Variants in CLVS1 observed in about 807,000 individuals in gnomAD.
The protein encoded by CLVS1 is clavesin-1.
Under a neutral mutation model 33.1 loss-of-function variants are expected in CLVS1, and 10 were observed. The ratio of observed to expected loss-of-function variants is 0.30; its 90% CI spans 0.19 to 0.51. The LOEUF (loss-of-function observed/expected upper bound fraction) is 0.51, where lower values mean the gene tolerates loss of function less well. Ranked by LOEUF, CLVS1 falls within the 20% of genes least tolerant of loss-of-function variation. CLVS1 has a pLI of 0.97. For missense variants in CLVS1, 343 were observed against 433.4 expected, an observed-to-expected ratio of 0.79 and a Z score of 1.85; for synonymous variants, 163 against 166.1, an observed-to-expected ratio of 0.98 and a Z score of 0.14.
At chr8:61,223,044 A>G (rs1451770212) in intron 2 of CLVS1, among the ~76,000 whole-genome samples, 1 of 150,160 alleles carries the variant, frequency 6.7e-6, no homozygotes, top group Non-Finnish European at 1.5e-5. Flanking sequence ...GTTTTCCTCA[A>G]TTCCTTTAAT....
At chr8:61,335,883 C>G (rs961648391) in intron 2 of CLVS1, among the ~76,000 whole-genome samples, 3 of 152,098 alleles carry the variant, frequency 2.0e-5, no homozygotes, top group Non-Finnish European at 4.4e-5. Flanking sequence ...GGCCTGAGTT[C>G]CTTGCTGGAG....
At chr8:61,182,521 G>T (rs1211395359) in intron 2 of CLVS1, among the ~76,000 whole-genome samples, 3 of 152,106 alleles carry the variant, frequency 2.0e-5, no homozygotes, top group Non-Finnish European at 4.4e-5. Context: ...AGTGGGCAAA[G>T]AATATGAACA....
At chr8:61,465,410 C>T (rs1364276495) in intron 5 of CLVS1, 3 of 152,156 alleles carry the variant, frequency 2.0e-5, no homozygotes, top group African/African-American at 7.2e-5. Context: ...ACTCCCGGAA[C>T]TCTCAGTGAA....
intron 1 of CLVS1, among the ~76,000 whole-genome samples, chr8:61,061,314 G>A (rs765872813): frequency 2.0e-5 from 3 of 152,068 alleles, no homozygotes; most frequent in South Asian, 2.1e-4. Flanking sequence ...AAGGAAAGAG[G>A]CTCTTTCTTT....
chr8:61,088,445 G>A (rs1260639833), intron 1 of CLVS1, among the ~76,000 whole-genome samples: 9 of 139,722 alleles, frequency 6.4e-5, no homozygotes, highest in South Asian at 2.3e-4. Context: ...AGCTGAGATC[G>A]TGCCACTGCA....
At chr8:61,219,373 C>A (rs1808162191) in intron 2 of CLVS1, among the ~76,000 whole-genome samples, 1 of 152,086 alleles carries the variant, frequency 6.6e-6, no homozygotes, top group South Asian at 2.1e-4. Flanking sequence ...TGTTCAACTC[C>A]CACTTATGAG....
chr8:61,262,265 C>G (rs1427047498), intron 2 of CLVS1, among the ~76,000 whole-genome samples: 1 of 152,100 alleles, frequency 6.6e-6, no homozygotes, highest in Non-Finnish European at 1.5e-5. Flanking sequence ...ATCCTCCTGC[C>G]TCAACCTCTG....
intron 2 of CLVS1, among the ~76,000 whole-genome samples, chr8:61,224,667 G>A (rs778058503): frequency 8.5e-5 from 13 of 152,150 alleles, no homozygotes; most frequent in Non-Finnish European, 1.5e-4. Context: ...TAGGGAGCAG[G>A]ACCCATTTAA....
chr8:61,372,658 A>G (rs1045983527), intron 2 of CLVS1, among the ~76,000 whole-genome samples: 3 of 151,738 alleles, frequency 2.0e-5, no homozygotes, highest in Non-Finnish European at 2.9e-5. Context: ...AAGATCCTAC[A>G]TTACCTTTAG....
chr8:61,171,823 G>T (rs770455489), intron 2 of CLVS1, among the ~76,000 whole-genome samples: 1 of 152,160 alleles, frequency 6.6e-6, no homozygotes, highest in East Asian at 1.9e-4. Flanking sequence ...GAACGATATG[G>T]ACGAGAAATA....
chr8:61,038,894 CT>C, the CLVS1 span, among the ~76,000 whole-genome samples: 1 of 152,218 alleles, frequency 6.6e-6, no homozygotes, highest in South Asian at 2.1e-4. Flanking sequence ...ACCTATTTCA[CT>C]GAAAACTTAA....
chr8:61,236,477 A>G (rs558466107), intron 2 of CLVS1, among the ~76,000 whole-genome samples: 10 of 152,292 alleles, frequency 6.6e-5, no homozygotes, highest in African/African-American at 2.4e-4. Context: ...GACATTTCTG[A>G]GACAGTCTGT....
At chr8:61,038,805 G>A in the CLVS1 span, among the ~76,000 whole-genome samples, 9 of 152,132 alleles carry the variant, frequency 5.9e-5, no homozygotes, top group South Asian at 2.1e-4. Context: ...CATGTGAACC[G>A]AAGGTCCTTT....
chr8:61,479,445 A>C (rs1417028740), intron 5 of CLVS1, among the ~76,000 whole-genome samples: 2 of 151,960 alleles, frequency 1.3e-5, no homozygotes, highest in Non-Finnish European at 2.9e-5. Context: ...AGGTCCTTTA[A>C]GGACTTCTCT....
chr8:61,020,246 A>G, the CLVS1 span, among the ~76,000 whole-genome samples: 1 of 152,232 alleles, frequency 6.6e-6, no homozygotes, highest in Non-Finnish European at 1.5e-5. Flanking sequence ...GGATTATTGA[A>G]TAGGCTTTTG....
At position 61,311,782 on chromosome 8, in the gene CLVS1, A is replaced by G. The variant is rs6985494; in HGVS notation, c.455+11500A>G. On this transcript the variant is annotated intron_variant, in intron 2 of 5. Coordinates refer to ENST00000325897, the MANE Select transcript of CLVS1 (RefSeq NM_173519.3). ...AGTCTCCTCTGATGGCTAGAAGTCC[A>G]AGGGCCTAAGAATAACTTCTTCCTT... Among the ~76,000 whole-genome samples the G allele has an allele frequency of 6.4e-3, 982 of 152,326 alleles. 9 individuals are homozygous for G. The highest frequency in any genetic ancestry group is 0.022 in the African/African-American group (926 of 41,560).
intron 3 of CLVS1, among the ~76,000 whole-genome samples, chr8:61,386,710 C>G (rs1814098698): frequency 6.6e-6 from 1 of 152,166 alleles, no homozygotes; most frequent in Non-Finnish European, 1.5e-5. Flanking sequence ...ACAACTATCT[C>G]AAGCTCATTT....
At chr8:61,060,865 A>G (rs774766468) in intron 1 of CLVS1, among the ~76,000 whole-genome samples, 59 of 152,316 alleles carry the variant, frequency 3.9e-4, no homozygotes, top group Non-Finnish European at 7.1e-4. Context: ...TGATAACAAA[A>G]TCTGAGCCCC....
chr8:61,206,488 C>T (rs1352472535), intron 2 of CLVS1, among the ~76,000 whole-genome samples: 1 of 152,190 alleles, frequency 6.6e-6, no homozygotes, highest in Non-Finnish European at 1.5e-5. Flanking sequence ...ATAAATATCA[C>T]TTCCACTGGG....
Sources: allele counts gnomAD v4.1 joint callset (sites outside exome capture counted in the v4.1 genomes callset), GRCh38; gene constraint gnomAD v4.1.1; transcripts MANE v1.5; gene names NCBI Gene and HGNC (gene_info 2026-07-23, HGNC 2026-07-21).